The following PCGF3 variants were observed in gnomAD, a reference collection of about 807,000 sequenced individuals.
The protein encoded by PCGF3 is polycomb group RING finger protein 3.
Under a neutral mutation model 33.1 loss-of-function variants are expected in PCGF3, and 7 were observed. The ratio of observed to expected loss-of-function variants is 0.21; its 90% CI spans 0.12 to 0.40. The LOEUF (loss-of-function observed/expected upper bound fraction) is 0.40, where lower values mean the gene tolerates loss of function less well. PCGF3 is among the 10% of genes least tolerant of loss of function. The pLI is 1.00. For missense variants in PCGF3, 211 were observed against 313.3 expected (o/e 0.67, Z 2.46); for synonymous variants, 153 against 121.3 (o/e 1.26, Z -1.72).
chr4:743,283 G>GT (rs1308569647), intron 6 of PCGF3, among the ~76,000 whole-genome samples, 191 bp from the exon 7 acceptor site: 2 of 152,216 alleles, frequency 1.3e-5, no homozygotes, highest in Non-Finnish European at 2.9e-5. Flanking sequence ...GGTGGGGCGG[G>GT]TGCCCGGGGG....
intron 1 of PCGF3, among the ~76,000 whole-genome samples, chr4:729,662 T>A (rs1206145239): frequency 1.3e-5 from 2 of 152,080 alleles, no homozygotes; most frequent in Admixed American, 6.5e-5. Context: ...TATATTTGCC[T>A]GGGAAGACTA....
intron 8 of PCGF3, among the ~76,000 whole-genome samples, chr4:749,579 T>A (rs536898692): frequency 2.1e-5 from 3 of 141,270 alleles, no homozygotes; most frequent in East Asian, 2.3e-4. Context: ...CTCTGCCTCC[T>A]GGGTTCAAGC....
At chr4:742,482 T>G (rs146094304) in intron 6 of PCGF3, among the ~76,000 whole-genome samples, 2 of 152,352 alleles carry the variant, frequency 1.3e-5, no homozygotes, top group African/African-American at 4.8e-5. Context: ...GAGTGATGTC[T>G]GGGTTGCGGT....
intron 1 of PCGF3, among the ~76,000 whole-genome samples, chr4:729,582 C>T (rs1450330740): frequency 6.6e-6 from 1 of 152,108 alleles, no homozygotes; most frequent in Non-Finnish European, 1.5e-5. Context: ...TTGAGCCTGG[C>T]TTCATTCTCT....
chr4:761,658 A>T (rs1035323412), intron 9 of PCGF3: 1 of 985,030 alleles, frequency 1.0e-6, no homozygotes, highest in African/African-American at 1.7e-5. Context: ...TAGGGCGGGG[A>T]TGATGAGACT....
chr4:750,570 G>C (rs1000969454), intron 8 of PCGF3, among the ~76,000 whole-genome samples: 1 of 152,214 alleles, frequency 6.6e-6, no homozygotes, highest in Non-Finnish European at 1.5e-5. Flanking sequence ...GTGAGGTGGT[G>C]GTGAGATTGC....
intron 1 of PCGF3, among the ~76,000 whole-genome samples, chr4:726,552 T>C (rs1011384539): frequency 6.6e-6 from 1 of 152,216 alleles, no homozygotes; most frequent in Non-Finnish European, 1.5e-5. Flanking sequence ...GACTTTGTCA[T>C]TTCCTTCATG....
chr4:734,588 TAGG>T (rs2109616674), intron 4 of PCGF3: 1 of 1,166,256 alleles, frequency 8.6e-7, no homozygotes, highest in African/African-American at 1.6e-5. Context: ...TGTCATCTTT[TAGG>T]ACAAAGTATT....
intron 1 of PCGF3, among the ~76,000 whole-genome samples, chr4:717,095 G>A (rs1742888902): frequency 2.0e-5 from 2 of 100,608 alleles, no homozygotes; most frequent in African/African-American, 4.1e-5. Context: ...AGAACTGAGC[G>A]TCGGTGCTGG....
intron 8 of PCGF3, among the ~76,000 whole-genome samples, chr4:760,571 C>T (rs139907658): frequency 6.6e-6 from 1 of 152,154 alleles, no homozygotes; most frequent in Non-Finnish European, 1.5e-5. Context: ...TCAGTTAACC[C>T]CCTGTCCATT....
At chr4:761,350 C>T (rs1297447334) in exon 9 of PCGF3, 2 of 1,612,306 alleles carry the variant, frequency 1.2e-6, no homozygotes, top group Admixed American at 1.7e-5. Flanking sequence ...GCTGCTCAGC[C>T]CAGGCGACCG....
At chr4:755,563 G>A (rs894859149) in intron 8 of PCGF3, among the ~76,000 whole-genome samples, 30 of 152,096 alleles carry the variant, frequency 2.0e-4, no homozygotes, top group East Asian at 1.7e-3. Context: ...TAAATGTATC[G>A]GTATTTTCTT....
At chr4:711,290 G>A (rs2109510733) in intron 1 of PCGF3, among the ~76,000 whole-genome samples, 1 of 152,332 alleles carries the variant, frequency 6.6e-6, no homozygotes, top group East Asian at 1.9e-4. Context: ...TTTGCCGTGG[G>A]CTAGAATTCT....
intron 6 of PCGF3, among the ~76,000 whole-genome samples, chr4:740,780 G>A (rs1313582786): frequency 6.6e-6 from 1 of 152,154 alleles, no homozygotes; most frequent in Non-Finnish European, 1.5e-5. Flanking sequence ...GCGTAGCCTG[G>A]TTGGAACCAG....
chr4:740,077 T>G (rs181525678), intron 6 of PCGF3, among the ~76,000 whole-genome samples: 21 of 152,388 alleles, frequency 1.4e-4, no homozygotes, highest in Admixed American at 9.1e-4. Flanking sequence ...GCAATTTGTT[T>G]AGTTTTATCT....
chr4:732,820 C>G (rs950516184), intron 3 of PCGF3, among the ~76,000 whole-genome samples: 2 of 152,236 alleles, frequency 1.3e-5, no homozygotes, highest in Non-Finnish European at 2.9e-5. Context: ...GTGCACCTGG[C>G]CACCCTGAGT....
chr4:761,265 G>A lies in PCGF3; in HGVS notation c.463-14G>A, dbSNP rs757209931. The stretch of plus-strand genomic sequence containing the variant: ...ACCCTCCTGCTGCGCTCTCACCAGC[G>A]TCCTTTCCCGCAGGTGAGCATCTGC... On this transcript the variant is annotated splice_polypyrimidine_tract_variant and intron_variant, in intron 8 of 10. Coordinates refer to ENST00000362003, the Ensembl canonical transcript of PCGF3. 5.7e-6 allele frequency: 9 copies of A among 1,571,736 alleles called. No homozygotes were observed. The Admixed American group carries it at 7.4e-5, about 13-fold the overall frequency.
chr4:733,091 TCCGCCCCTGCCCCGTGCTGC>T (rs1415279371), intron 3 of PCGF3, among the ~76,000 whole-genome samples: 17 of 149,158 alleles, frequency 1.1e-4, no homozygotes, highest in African/African-American at 4.1e-4. Flanking sequence ...CCGTGCTGCC[TCCGCCCCTGCCCCGTGCTGC>T]CTCAGGCTCT....
intron 10 of PCGF3, 38 bp from the exon 11 acceptor site, chr4:765,994 C>G (rs751870216): frequency 6.2e-7 from 1 of 1,605,080 alleles, no homozygotes; most frequent in Non-Finnish European, 8.5e-7. Flanking sequence ...CGCCTCCACC[C>G]CTGCTAAGCA....
Sources: gnomAD v4.1 joint callset for allele counts (sites outside exome capture counted in the v4.1 genomes callset) on GRCh38, gnomAD v4.1.1 for gene constraint, MANE v1.5 for transcripts, NCBI Gene and HGNC (gene_info 2026-07-23, HGNC 2026-07-21) for gene names.